The following DOCK5 variants were observed in gnomAD, a reference collection of about 807,000 sequenced individuals.
The protein encoded by DOCK5 is dedicator of cytokinesis protein 5.
A neutral mutation model predicts 251.8 loss-of-function variants in DOCK5; 142 were observed. The ratio of observed to expected loss-of-function variants is 0.56; its 90% CI spans 0.49 to 0.65. DOCK5 has a LOEUF of 0.65. DOCK5 is among the 30% of genes least tolerant of loss of function. The probability of loss-of-function intolerance (pLI) is 0.00; values close to 1 mark genes in which losing one functional copy is unlikely to be tolerated. For synonymous variants in DOCK5, 842 were observed against 835.5 expected (o/e 1.01, Z -0.13); for missense variants, 2,111 against 2,312.3 (o/e 0.91, Z 1.79).
At chr8:25,267,789 A>G (rs895174673) in intron 2 of DOCK5, among the ~76,000 whole-genome samples, 1 of 152,196 alleles carries the variant, frequency 6.6e-6, no homozygotes, top group Non-Finnish European at 1.5e-5. Context: ...AAATCTGTTT[A>G]TGGACAGAGT....
At chr8:25,351,694 T>G (rs376199502) in intron 26 of DOCK5, 37 bp from the exon 27 acceptor site, 1 of 1,543,350 alleles carries the variant, frequency 6.5e-7, no homozygotes, top group Non-Finnish European at 8.9e-7. Flanking sequence ...TGAAACTGAG[T>G]CAGAAGGAAT....
chr8:25,324,079 T>A, intron 17 of DOCK5, 128 bp downstream of exon 17: 1 of 1,084,212 alleles, frequency 9.2e-7, no homozygotes, highest in Non-Finnish European at 1.3e-6. Flanking sequence ...CATTAACATC[T>A]AGAAACCCAG....
In DOCK5 at chr8:25,268,859, T is replaced by C; in HGVS notation, c.142T>C (p.Tyr48His). The C allele has an allele frequency of 6.4e-7, 1 of 1,565,858 alleles. No individual in the cohort carries two copies. Among genetic ancestry groups the C allele is most frequent in the South Asian group, 1.2e-5 (1 of 82,742 alleles). The change falls in exon 3 of 52, where the codon TAT (tyrosine) becomes CAT (histidine). Residue 48 changes from tyrosine to histidine, a missense_variant. Physicochemically the swap from Tyr to His is moderately conservative, Grantham distance 83. Coordinates refer to ENST00000276440, the MANE Select transcript of DOCK5 (RefSeq NM_024940.8). The part of the protein sequence containing the change: ...LEMYEGWYRG[Y>H]TLQNKSKKGI... ...TGCTCTGACAGGTTGGTACAGAGGATATACCCTCCAAAATAAATCTAAAAA... is the reference window on the plus strand; with the variant it reads ...TGCTCTGACAGGTTGGTACAGAGGACATACCCTCCAAAATAAATCTAAAAA...
At chr8:25,342,555 T>C (rs753477771) in intron 25 of DOCK5, 48 bp downstream of exon 25, 5 of 1,355,768 alleles carry the variant, frequency 3.7e-6, no homozygotes, top group Non-Finnish European at 3.1e-6. Context: ...TGAGCTGAGA[T>C]TGCACCATTG....
chr8:25,389,673 G>A (rs1801223697), intron 41 of DOCK5, among the ~76,000 whole-genome samples: 1 of 152,006 alleles, frequency 6.6e-6, no homozygotes, highest in Non-Finnish European at 1.5e-5. Context: ...GTGTGATGTT[G>A]GATTTTAACC....
chr8:25,294,943 G>T (rs1243700002), intron 6 of DOCK5, among the ~76,000 whole-genome samples: 1 of 151,994 alleles, frequency 6.6e-6, no homozygotes, highest in Non-Finnish European at 1.5e-5. Context: ...CCAAAGGGAT[G>T]GTGTTAAACC....
intron 1 of DOCK5, among the ~76,000 whole-genome samples, chr8:25,209,123 C>T (rs1802070412): frequency 1.3e-5 from 2 of 152,146 alleles, no homozygotes. Context: ...GTGAAGATGC[C>T]GCGGGTGCAC....
intron 3 of DOCK5, chr8:25,270,934 A>G: frequency 1.7e-6 from 1 of 604,086 alleles, no homozygotes; most frequent in Non-Finnish European, 3.0e-6. Flanking sequence ...TACCTAATAC[A>G]ATGTAAATGC....
At chr8:25,319,447 T>G in intron 14 of DOCK5, 131 bp from the exon 15 acceptor site, 1 of 540,744 alleles carries the variant, frequency 1.8e-6, no homozygotes, top group Non-Finnish European at 3.3e-6. Context: ...CCAAACTTAA[T>G]CAGCCGATCA....
At chr8:25,259,402 G>T (rs1390038162) in intron 2 of DOCK5, among the ~76,000 whole-genome samples, 1 of 152,056 alleles carries the variant, frequency 6.6e-6, no homozygotes, top group Non-Finnish European at 1.5e-5. Flanking sequence ...GGTGATATGG[G>T]ACAAACCTTT....
At chr8:25,343,502 A>C (rs1490245824) in intron 25 of DOCK5, among the ~76,000 whole-genome samples, 1 of 152,230 alleles carries the variant, frequency 6.6e-6, no homozygotes, top group African/African-American at 2.4e-5. Context: ...TAATTAGAAC[A>C]ATCTGCAAGT....
chr8:25,347,462 T>G (rs931041714), intron 26 of DOCK5, among the ~76,000 whole-genome samples: 1 of 152,246 alleles, frequency 6.6e-6, no homozygotes, highest in Non-Finnish European at 1.5e-5. Flanking sequence ...TCAAAGCATG[T>G]TGCGATTGGA....
chr8:25,309,104 C>T (rs1036581373), intron 12 of DOCK5, among the ~76,000 whole-genome samples, 179 bp downstream of exon 12: 1 of 152,192 alleles, frequency 6.6e-6, no homozygotes, highest in African/African-American at 2.4e-5. Context: ...GAGATGCACC[C>T]AGCGGTGATT....
chr8:25,328,938 A>C (rs1422338707), intron 18 of DOCK5, among the ~76,000 whole-genome samples: 1 of 152,170 alleles, frequency 6.6e-6, no homozygotes, highest in Non-Finnish European at 1.5e-5. Context: ...AGTGGCAAAA[A>C]ATCTTTCTTA....
At chr8:25,288,987 C>T (rs1287699403) in intron 5 of DOCK5, among the ~76,000 whole-genome samples, 1 of 152,178 alleles carries the variant, frequency 6.6e-6, no homozygotes, top group Non-Finnish European at 1.5e-5. Context: ...GTGGTGTTAA[C>T]AGAGCATATT....
At chr8:25,256,563 T>TG (rs1308579045) in intron 2 of DOCK5, among the ~76,000 whole-genome samples, 1 of 140,054 alleles carries the variant, frequency 7.1e-6, no homozygotes, top group African/African-American at 2.7e-5. Context: ...CACTTGAACC[T>TG]GGGAAGGAGA....
chr8:25,367,871 C>T (rs1274791532), intron 31 of DOCK5, among the ~76,000 whole-genome samples: 1 of 152,152 alleles, frequency 6.6e-6, no homozygotes, highest in Non-Finnish European at 1.5e-5. Flanking sequence ...ATACTTCATT[C>T]ACCTTCCTTT....
At chr8:25,230,787 G>A (rs1802648697) in intron 1 of DOCK5, among the ~76,000 whole-genome samples, 1 of 152,118 alleles carries the variant, frequency 6.6e-6, no homozygotes. Flanking sequence ...GGAAGGGGAG[G>A]TTGCAGTGAG....
intron 30 of DOCK5, among the ~76,000 whole-genome samples, chr8:25,365,752 A>G (rs1800764338): frequency 6.6e-6 from 1 of 152,124 alleles, no homozygotes; most frequent in Non-Finnish European, 1.5e-5. Context: ...TTGGGTGTGG[A>G]GAGGTGGGGT....
Sources: gnomAD v4.1 joint callset for allele counts (sites outside exome capture counted in the v4.1 genomes callset) on GRCh38, gnomAD v4.1.1 for gene constraint, MANE v1.5 for transcripts, NCBI Gene and HGNC (gene_info 2026-07-23, HGNC 2026-07-21) for gene names.